ARHGEF33: variants seen among roughly 807,000 people sequenced by gnomAD.
The protein encoded by ARHGEF33 is DH and coiled-coil domain-containing protein ENSP00000381780.
In ARHGEF33, 72 loss-of-function variants were observed where a neutral mutation model predicts 101.9. That is an observed-to-expected ratio of 0.71 (90% CI 0.58 to 0.86). ARHGEF33 has a LOEUF of 0.86. ARHGEF33 is among the 40% of genes least tolerant of loss of function. ARHGEF33 has a pLI of 0.00. For missense variants in ARHGEF33, 1,169 were observed against 1,111.3 expected (o/e 1.05, Z -0.74); for synonymous variants, 499 against 442.5 (o/e 1.13, Z -1.60).
intron 7 of ARHGEF33, among the ~76,000 whole-genome samples, chr2:38,933,722 T>G (rs1214139317): frequency 6.6e-6 from 1 of 152,224 alleles, no homozygotes; most frequent in Non-Finnish European, 1.5e-5. Context: ...CCATTTTTTC[T>G]GTCATATTCT....
At position 38,934,446 on chromosome 2, in the gene ARHGEF33, TATCC is replaced by T. The variant is rs1667079530; in HGVS notation, c.506-1328_506-1325del. On this transcript the variant is annotated intron_variant, in intron 7 of 17. Coordinates refer to ENST00000409978, the MANE Select transcript of ARHGEF33 (RefSeq NM_001145451.5). ...TCCCTCCCTCCATCCCTCCCCCTTC[TATCC>T]CTCCCTCCCCCTTTTCTCTCTTCCT... 5.5e-5 allele frequency among the ~76,000 whole-genome samples: 2 copies of T among 36,110 alleles called. 1 individual carries two copies. The highest frequency in any genetic ancestry group is 1.0e-4 in the Non-Finnish European group (2 of 19,086). 23.7% of individuals were successfully genotyped at this position (36,110 alleles called of 152,430 possible).
chr2:38,919,205 T>C (rs1270621679), intron 2 of ARHGEF33, among the ~76,000 whole-genome samples, 158 bp from the exon 3 acceptor site: 1 of 152,248 alleles, frequency 6.6e-6, no homozygotes, highest in Admixed American at 6.5e-5. Flanking sequence ...AATATTTACC[T>C]TTATGCTAAA....
rs1558440190 is a variant in ARHGEF33, at chr2:38,951,127, G to A, written c.1053+6G>A. 1.9e-6 allele frequency: 3 copies of A among 1,551,350 alleles called. No homozygotes were observed. Among genetic ancestry groups the A allele is most frequent in the Non-Finnish European group, 2.6e-6 (3 of 1,146,788 alleles). On this transcript the variant is annotated splice_donor_region_variant and intron_variant, in intron 11 of 17. Transcript: ENST00000409978. The stretch of plus-strand genomic sequence containing the variant: ...TTAAGTTAACAAATGACGAGGTAAG[G>A]TTTTTTCTGCCCCTCTATACATTTT...
intron 2 of ARHGEF33, among the ~76,000 whole-genome samples, chr2:38,917,820 C>A (rs976335567): frequency 4.7e-4 from 70 of 149,392 alleles, no homozygotes; most frequent in African/African-American, 1.7e-3. Flanking sequence ...CAGAGCGAGA[C>A]CTTGTCTCAA....
intron 2 of ARHGEF33, among the ~76,000 whole-genome samples, chr2:38,913,264 T>C (rs549518221): frequency 1.1e-4 from 16 of 152,190 alleles, no homozygotes; most frequent in Admixed American, 5.9e-4. Context: ...AAAAGCTGCG[T>C]AGATAAATTT....
chr2:38,924,676 T>A (rs543289682), intron 4 of ARHGEF33, among the ~76,000 whole-genome samples: 2 of 152,324 alleles, frequency 1.3e-5, no homozygotes, highest in Admixed American at 1.3e-4. Context: ...ACATTACATA[T>A]CATATGTAAT....
intron 2 of ARHGEF33, among the ~76,000 whole-genome samples, chr2:38,907,397 G>T (rs990152591): frequency 6.6e-6 from 1 of 152,152 alleles, no homozygotes; most frequent in Non-Finnish European, 1.5e-5. Context: ...AGCACCAAAG[G>T]CAGCTCCAAA....
intron 16 of ARHGEF33, 49 bp from the exon 17 acceptor site, chr2:38,965,957 A>G: frequency 6.5e-7 from 1 of 1,544,802 alleles, no homozygotes; most frequent in Non-Finnish European, 8.7e-7. Flanking sequence ...CAGGATCCAT[A>G]ATAACATTGG....
intron 1 of ARHGEF33, among the ~76,000 whole-genome samples, chr2:38,894,495 C>A (rs1666078364): frequency 6.6e-6 from 1 of 151,254 alleles, no homozygotes; most frequent in Non-Finnish European, 1.5e-5. Context: ...TAAAAACAAA[C>A]AAACAAACAA....
At chr2:38,931,866 T>C (rs764282411) in intron 7 of ARHGEF33, among the ~76,000 whole-genome samples, 3 of 152,192 alleles carry the variant, frequency 2.0e-5, no homozygotes, top group Non-Finnish European at 2.9e-5. Flanking sequence ...TAAATGTAGA[T>C]ATTAACGTTG....
intron 2 of ARHGEF33, among the ~76,000 whole-genome samples, chr2:38,903,308 A>G (rs563367377): frequency 1.3e-5 from 2 of 152,362 alleles, no homozygotes; most frequent in African/African-American, 4.8e-5. Context: ...TGTGAATTTT[A>G]CATCCAGATT....
At chr2:38,944,395 C>T (rs1248794710) in intron 10 of ARHGEF33, among the ~76,000 whole-genome samples, 1 of 152,082 alleles carries the variant, frequency 6.6e-6, no homozygotes, top group African/African-American at 2.4e-5. Context: ...AGCAGGAGAA[C>T]CCACTCCCTC....
intron 16 of ARHGEF33, among the ~76,000 whole-genome samples, chr2:38,963,432 G>GT (rs1667989364): frequency 6.6e-6 from 1 of 152,178 alleles, no homozygotes. Context: ...GGAGCTCTAG[G>GT]TTCTAGTCCT....
chr2:38,925,433 G>T (rs1471608831), intron 4 of ARHGEF33, among the ~76,000 whole-genome samples: 1 of 152,118 alleles, frequency 6.6e-6, no homozygotes, highest in Non-Finnish European at 1.5e-5. Context: ...TCTGATACTA[G>T]AGAAGTTAAC....
At chr2:38,917,828 C>CAAAA (rs537310536) in intron 2 of ARHGEF33, among the ~76,000 whole-genome samples, 10 of 75,354 alleles carry the variant, frequency 1.3e-4, no homozygotes, top group Admixed American at 4.5e-4. Flanking sequence ...GACCTTGTCT[C>CAAAA]AAAAAAAAAA....
At chr2:38,932,002 G>A (rs1166664382) in intron 7 of ARHGEF33, among the ~76,000 whole-genome samples, 2 of 152,142 alleles carry the variant, frequency 1.3e-5, no homozygotes, top group Admixed American at 6.5e-5. Flanking sequence ...AAGATGAATG[G>A]AACAATTAGG....
At chr2:38,899,958 G>A (rs544382677) in intron 2 of ARHGEF33, among the ~76,000 whole-genome samples, 1 of 152,110 alleles carries the variant, frequency 6.6e-6, no homozygotes, top group Non-Finnish European at 1.5e-5. Context: ...GAAGGCTGGT[G>A]GGGGAGGACT....
chr2:38,944,107 G>A (rs1474534141), intron 10 of ARHGEF33, 77 bp downstream of exon 10: 8 of 1,423,310 alleles, frequency 5.6e-6, no homozygotes, highest in African/African-American at 1.5e-5. Context: ...TCCACTTTGG[G>A]ATTTCTGGGG....
intron 2 of ARHGEF33, among the ~76,000 whole-genome samples, chr2:38,910,917 A>G (rs1558425367): frequency 6.6e-6 from 1 of 152,180 alleles, no homozygotes; most frequent in Non-Finnish European, 1.5e-5. Context: ...AGAAACATAG[A>G]AAGACTACTG....
Sources: allele counts gnomAD v4.1 joint callset (sites outside exome capture counted in the v4.1 genomes callset), GRCh38; gene constraint gnomAD v4.1.1; transcripts MANE v1.5; gene names NCBI Gene and HGNC (gene_info 2026-07-23, HGNC 2026-07-21).